OCA2: variants seen among roughly 807,000 people sequenced by gnomAD.
OCA2 encodes P protein.
OCA2 carries 77 observed loss-of-function variants against 100.2 expected under a neutral mutation model. The observed-to-expected ratio is 0.77, with a 90% CI of 0.64 to 0.93. The LOEUF (loss-of-function observed/expected upper bound fraction) is 0.93. OCA2 is among the 40% of genes least tolerant of loss of function. The pLI is 0.00. For synonymous variants in OCA2, 432 were observed against 439.2 expected, an observed-to-expected ratio of 0.98 and a Z score of 0.21; for missense variants, 1,062 against 1,089.1, an observed-to-expected ratio of 0.98 and a Z score of 0.35.
chr15:27,761,039 A>C (rs759425854), intron 23 of OCA2, among the ~76,000 whole-genome samples: 1 of 152,124 alleles, frequency 6.6e-6, no homozygotes, highest in Non-Finnish European at 1.5e-5. Context: ...TCTCCCCCAC[A>C]GGATTCTCAC....
intron 2 of OCA2, among the ~76,000 whole-genome samples, chr15:28,050,221 G>A (rs947872710): frequency 5.9e-5 from 9 of 152,288 alleles, no homozygotes; most frequent in African/African-American, 2.2e-4. Flanking sequence ...GGAGTTTCAG[G>A]CTGCAGTGAG....
At chr15:27,926,617 G>T (rs1468884459) in intron 18 of OCA2, among the ~76,000 whole-genome samples, 3 of 152,008 alleles carry the variant, frequency 2.0e-5, no homozygotes, top group Non-Finnish European at 2.9e-5. Flanking sequence ...ATAGTTTTTT[G>T]TTGTTGTTGT....
At chr15:27,986,110 T>C (rs1389907453) in intron 12 of OCA2, among the ~76,000 whole-genome samples, 1 of 152,232 alleles carries the variant, frequency 6.6e-6, no homozygotes, top group Non-Finnish European at 1.5e-5. Context: ...CAACCCTGAA[T>C]GACAGGACAG....
chr15:28,031,651 G>T (rs1416872373), intron 3 of OCA2, among the ~76,000 whole-genome samples: 2 of 152,218 alleles, frequency 1.3e-5, no homozygotes, highest in Non-Finnish European at 2.9e-5. Context: ...AATTCTTTGT[G>T]GTGGGGGCTG....
chr15:28,032,581 C>G (rs1193787461), intron 2 of OCA2, among the ~76,000 whole-genome samples: 1 of 150,796 alleles, frequency 6.6e-6, no homozygotes, highest in East Asian at 2.0e-4. Context: ...GTCAGGAGTT[C>G]AAGACCAGCC....
intron 14 of OCA2, among the ~76,000 whole-genome samples, chr15:27,969,200 A>G (rs2040685055): frequency 6.6e-6 from 1 of 152,084 alleles, no homozygotes; most frequent in South Asian, 2.1e-4. Flanking sequence ...TGTTGGGGCA[A>G]TTGGAGAAAA....
chr15:27,989,798 G>A, intron 10 of OCA2, 132 bp from the exon 11 acceptor site: 1 of 772,924 alleles, frequency 1.3e-6, no homozygotes, highest in East Asian at 2.7e-5. Flanking sequence ...CCATCCACTT[G>A]CCTTTGAAGT....
intron 1 of OCA2, among the ~76,000 whole-genome samples, chr15:28,097,692 G>A (rs1019371619): frequency 6.6e-6 from 1 of 151,958 alleles, no homozygotes; most frequent in Non-Finnish European, 1.5e-5. Context: ...AGACATAAAG[G>A]TACCCAAAAC....
intron 23 of OCA2, among the ~76,000 whole-genome samples, chr15:27,826,476 G>A (rs558632616): frequency 6.6e-6 from 1 of 152,138 alleles, no homozygotes; most frequent in South Asian, 2.1e-4. Context: ...GGATGCAACT[G>A]GTGCTCTGTG....
chr15:27,958,345 C>T (rs1316068797), intron 15 of OCA2, among the ~76,000 whole-genome samples: 1 of 152,224 alleles, frequency 6.6e-6, no homozygotes, highest in Non-Finnish European at 1.5e-5. Flanking sequence ...CTGCTTCCAG[C>T]CAAAATCTAG....
chr15:27,723,405 G>A, the OCA2 span, among the ~76,000 whole-genome samples: 41 of 151,976 alleles, frequency 2.7e-4, no homozygotes, highest in Admixed American at 2.0e-3. Flanking sequence ...GTCTCCTTTC[G>A]TCCTCTTAGA....
At chr15:28,090,549 G>A (rs1189117452) in intron 1 of OCA2, among the ~76,000 whole-genome samples, 4 of 152,042 alleles carry the variant, frequency 2.6e-5, no homozygotes, top group African/African-American at 9.7e-5. Flanking sequence ...AAAGAGAGGA[G>A]GAAAATCTGC....
At chr15:28,002,927 C>G (rs555758048) in intron 9 of OCA2, among the ~76,000 whole-genome samples, 1 of 152,348 alleles carries the variant, frequency 6.6e-6, no homozygotes, top group Admixed American at 6.5e-5. Flanking sequence ...AGCTGATTTT[C>G]TAGCCTGGCT....
intron 19 of OCA2, among the ~76,000 whole-genome samples, chr15:27,920,202 T>C (rs2038807365): frequency 2.6e-5 from 4 of 152,124 alleles, no homozygotes; most frequent in Non-Finnish European, 4.4e-5. Context: ...CTGTATGCTG[T>C]CTACAAGAGC....
intron 19 of OCA2, among the ~76,000 whole-genome samples, chr15:27,904,212 C>G (rs60730690): frequency 0.24 from 35,840 of 152,076 alleles, 4,992 homozygotes; most frequent in East Asian, 0.62. Context: ...CTCCCTCGCT[C>G]GCTCCAAAAT....
chr15:27,768,733 C>T (rs1378672814), intron 23 of OCA2, among the ~76,000 whole-genome samples: 4 of 152,180 alleles, frequency 2.6e-5, no homozygotes, highest in African/African-American at 9.6e-5. Flanking sequence ...CAAGAAGAGA[C>T]CAGTGATAAC....
chr15:27,937,214 A>C (rs1248140341), intron 18 of OCA2, among the ~76,000 whole-genome samples: 1 of 152,128 alleles, frequency 6.6e-6, no homozygotes, highest in African/African-American at 2.4e-5. Flanking sequence ...CTTTTGGCCA[A>C]CACATTTGTG....
At chr15:28,002,802 G>A (rs1273927505) in intron 9 of OCA2, among the ~76,000 whole-genome samples, 1 of 152,170 alleles carries the variant, frequency 6.6e-6, no homozygotes, top group Admixed American at 6.5e-5. Context: ...TGTCATTATT[G>A]TGTGTTATCT....
At chr15:27,973,738 G>C (rs922662930) in intron 14 of OCA2, among the ~76,000 whole-genome samples, 2 of 152,140 alleles carry the variant, frequency 1.3e-5, no homozygotes, top group African/African-American at 4.8e-5. Context: ...TTGGCATTTT[G>C]ATAGGAATTG....
Sources: gnomAD v4.1 joint callset for allele counts (sites outside exome capture counted in the v4.1 genomes callset) on GRCh38, gnomAD v4.1.1 for gene constraint, MANE v1.5 for transcripts, NCBI Gene and HGNC (gene_info 2026-07-23, HGNC 2026-07-21) for gene names.